NEGR1: variants seen among roughly 807,000 people sequenced by gnomAD.
NEGR1 encodes the protein neuronal growth regulator 1.
In NEGR1, 10 loss-of-function variants were observed where a neutral mutation model predicts 40.9. The ratio of observed to expected loss-of-function variants is 0.24; its 90% CI spans 0.15 to 0.42. The LOEUF is 0.42. Ranked by LOEUF, NEGR1 falls within the 10% of genes least tolerant of loss-of-function variation. The pLI is 1.00. For synonymous variants in NEGR1, 185 were observed against 166.8 expected (o/e 1.11, Z -0.84); for missense variants, 352 against 438.9 (o/e 0.80, Z 1.77).
chr1:71,751,038 G>A (rs139147732), intron 3 of NEGR1, among the ~76,000 whole-genome samples: 43 of 151,872 alleles, frequency 2.8e-4, no homozygotes, highest in African/African-American at 1.0e-3. Flanking sequence ...TTTTAGGGGT[G>A]AGAATATAGT....
At chr1:71,783,981 T>C (rs1417208149) in intron 2 of NEGR1, among the ~76,000 whole-genome samples, 1 of 152,126 alleles carries the variant, frequency 6.6e-6, no homozygotes, top group Non-Finnish European at 1.5e-5. Flanking sequence ...GAGTCACTAA[T>C]CCTACAAAGA....
In NEGR1 at chr1:71,757,724, G is replaced by A. The variant is rs537516825; in HGVS notation, c.535+18448C>T. On this transcript the variant is annotated intron_variant, in intron 3 of 6. Coordinates refer to ENST00000357731, the MANE Select transcript of NEGR1 (RefSeq NM_173808.3). ...AAATTTTGTGTCTGGAAATCATTCTGGTGATTGCCCAGTAAACATTCTCCT... is the reference window on the plus strand; with the variant it reads ...AAATTTTGTGTCTGGAAATCATTCTAGTGATTGCCCAGTAAACATTCTCCT... Among the ~76,000 whole-genome samples, 16 of 152,088 alleles carry A rather than the reference G, an allele frequency of 1.1e-4. No homozygotes were observed. In the South Asian group the frequency reaches 3.3e-3, roughly 32 times the overall value.
At chr1:71,915,617 T>G (rs2101877348) in intron 2 of NEGR1, among the ~76,000 whole-genome samples, 1 of 152,252 alleles carries the variant, frequency 6.6e-6, no homozygotes, top group African/African-American at 2.4e-5. Flanking sequence ...TCCCATAGAC[T>G]AAGGGTCTCA....
intron 6 of NEGR1, among the ~76,000 whole-genome samples, chr1:71,565,079 A>G (rs1648577378): frequency 6.6e-6 from 1 of 152,110 alleles, no homozygotes; most frequent in African/African-American, 2.4e-5. Context: ...AAACCAATCA[A>G]AGGCCCATTT....
chr1:71,759,606 T>G (rs1655869300), intron 3 of NEGR1, among the ~76,000 whole-genome samples: 1 of 91,032 alleles, frequency 1.1e-5, no homozygotes, highest in Non-Finnish European at 2.1e-5. Flanking sequence ...CTTTTTTTTT[T>G]TTTTTTTTTT....
At chr1:71,585,012 G>A (rs1224970223) in intron 6 of NEGR1, among the ~76,000 whole-genome samples, 1 of 152,054 alleles carries the variant, frequency 6.6e-6, no homozygotes, top group African/African-American at 2.4e-5. Flanking sequence ...AAATTTCTCT[G>A]GAGAGTAAAA....
At chr1:71,966,154 C>T (rs1489626831) in intron 1 of NEGR1, among the ~76,000 whole-genome samples, 1 of 152,070 alleles carries the variant, frequency 6.6e-6, no homozygotes, top group Non-Finnish European at 1.5e-5. Flanking sequence ...TTTAGTAAAA[C>T]CTCTGGGTTT....
intron 1 of NEGR1, among the ~76,000 whole-genome samples, chr1:72,123,799 T>C (rs1479135608): frequency 6.6e-6 from 1 of 152,128 alleles, no homozygotes; most frequent in East Asian, 1.9e-4. Context: ...TTACAATGTC[T>C]GTATTCAAGT....
At chr1:72,154,228 C>T (rs1407503486) in intron 1 of NEGR1, among the ~76,000 whole-genome samples, 1 of 151,734 alleles carries the variant, frequency 6.6e-6, no homozygotes, top group Non-Finnish European at 1.5e-5. Context: ...CAGAAGTGAA[C>T]ATTTTAAGGG....
intron 4 of NEGR1, among the ~76,000 whole-genome samples, chr1:71,647,069 G>T (rs1651554578): frequency 6.6e-6 from 1 of 151,716 alleles, no homozygotes; most frequent in African/African-American, 2.4e-5. Context: ...TATGCCAATG[G>T]AATAGCTACT....
rs1657288680 is a variant in NEGR1 at position 71,795,432 on chromosome 1, T to G, written c.410-19135A>C. On this transcript the variant is annotated intron_variant, in intron 2 of 6. Coordinates refer to ENST00000357731, the MANE Select transcript of NEGR1 (RefSeq NM_173808.3). Reference sequence around the variant, plus strand: ...ATATTGAATGCACATTAGGACCATCTGAGATGTTCTCAAAATATATCAATT... The same window carrying G: ...ATATTGAATGCACATTAGGACCATCGGAGATGTTCTCAAAATATATCAATT... Among the ~76,000 whole-genome samples, 4 of 152,122 alleles carry G rather than the reference T, an allele frequency of 2.6e-5. No individual in the cohort carries two copies. In the South Asian group the frequency reaches 8.3e-4, roughly 31 times the overall value.
In NEGR1 at chr1:72,200,415, A is replaced by C. The variant is rs74910268; in HGVS notation, c.176+81904T>G. Among the ~76,000 whole-genome samples the C allele has an allele frequency of 6.9e-3, 1,053 of 152,132 alleles. 9 individuals carry two copies. The highest frequency in any genetic ancestry group is 0.023 in the African/African-American group (968 of 41,530). On this transcript the variant is annotated intron_variant, in intron 1 of 6. Coordinates refer to ENST00000357731, the MANE Select transcript of NEGR1 (RefSeq NM_173808.3). ...ATTATCCAAGCAAACTAGGGCAGGA[A>C]CAGGAAACTAAAGATTGCATGTTCT... is the stretch of plus-strand genomic sequence containing the variant.
chr1:72,144,037 TGAA>T (rs1650810145), intron 1 of NEGR1, among the ~76,000 whole-genome samples: 1 of 146,596 alleles, frequency 6.8e-6, no homozygotes, highest in Non-Finnish European at 1.5e-5. Context: ...ATATTATTGA[TGAA>T]GAAGTATTAT....
At chr1:72,073,145 G>A (rs1167145274) in intron 1 of NEGR1, among the ~76,000 whole-genome samples, 1 of 152,034 alleles carries the variant, frequency 6.6e-6, no homozygotes, top group Non-Finnish European at 1.5e-5. Flanking sequence ...TAACTTCATG[G>A]GGAGCCATGG....
chr1:71,991,634 T>C (rs1236222002), intron 1 of NEGR1, among the ~76,000 whole-genome samples: 1 of 152,090 alleles, frequency 6.6e-6, no homozygotes, highest in Non-Finnish European at 1.5e-5. Context: ...CACTTCTCTA[T>C]ACTCTAACTG....
intron 1 of NEGR1, among the ~76,000 whole-genome samples, chr1:72,218,562 A>T (rs1259245950): frequency 1.3e-5 from 2 of 152,040 alleles, no homozygotes; most frequent in African/African-American, 4.8e-5. Flanking sequence ...CTGAATTAAC[A>T]TATAAATTCA....
intron 2 of NEGR1, among the ~76,000 whole-genome samples, chr1:71,834,088 T>A (rs964495506): frequency 6.6e-6 from 1 of 152,156 alleles, no homozygotes; most frequent in Non-Finnish European, 1.5e-5. Context: ...TTCACAATGT[T>A]AACCAAATAA....
chr1:72,047,293 TGA>T (rs1647011418), intron 1 of NEGR1, among the ~76,000 whole-genome samples: 1 of 151,450 alleles, frequency 6.6e-6, no homozygotes, highest in South Asian at 2.1e-4. Context: ...TATTTATTTC[TGA>T]GAGTCTCCTG....
rs563321559 is a variant in NEGR1, at chr1:72,152,345, T to C, written c.176+129974A>G. Among the ~76,000 whole-genome samples, 3 of 152,014 alleles carry C rather than the reference T, an allele frequency of 2.0e-5. No individual in the cohort carries two copies. In the East Asian group the frequency reaches 5.8e-4, roughly 29 times the overall value. On this transcript the variant is annotated intron_variant, in intron 1 of 6. Transcript: ENST00000357731. ...ACTACACATAGAATGCTAATGAACT[T>C]AGTGAAAGTGATATTTGAAGAGGCA...
Sources: gnomAD v4.1 joint callset for allele counts (sites outside exome capture counted in the v4.1 genomes callset) on GRCh38, gnomAD v4.1.1 for gene constraint, MANE v1.5 for transcripts, NCBI Gene and HGNC (gene_info 2026-07-23, HGNC 2026-07-21) for gene names.